KIF13B: variants seen among roughly 807,000 people sequenced by gnomAD.
KIF13B encodes kinesin-like protein KIF13B.
In KIF13B, 127 loss-of-function variants were observed where a neutral mutation model predicts 222.0. The observed-to-expected ratio is 0.57, with a 90% CI of 0.50 to 0.66. The LOEUF (loss-of-function observed/expected upper bound fraction) is 0.66. Among genes scored for constraint, KIF13B ranks in the 30% least tolerant of loss-of-function variants. KIF13B has a pLI of 0.00. For missense variants in KIF13B, 2,173 were observed against 2,379.0 expected (o/e 0.91, Z 1.80); for synonymous variants, 976 against 919.0 (o/e 1.06, Z -1.12).
At chr8:29,110,776 T>C (rs887365800) in intron 32 of KIF13B, 4 of 152,238 alleles carry the variant, frequency 2.6e-5, no homozygotes, top group African/African-American at 9.6e-5. Flanking sequence ...AGAGGCTTTA[T>C]TAATGTATTT....
At chr8:29,085,563 G>A (rs1374829199) in intron 37 of KIF13B, among the ~76,000 whole-genome samples, 1 of 151,416 alleles carries the variant, frequency 6.6e-6, no homozygotes, top group Non-Finnish European at 1.5e-5. Flanking sequence ...TAGAGACAGG[G>A]GTCTTGTTAT....
intron 2 of KIF13B, among the ~76,000 whole-genome samples, chr8:29,227,816 T>G (rs56108901): frequency 0.14 from 21,899 of 152,024 alleles, 1,667 homozygotes; most frequent in Non-Finnish European, 0.16. Flanking sequence ...CTGGGCATGG[T>G]GGTGCACGCC....
intron 18 of KIF13B, 45 bp from the exon 19 acceptor site, chr8:29,142,348 G>A (rs1362140957): frequency 6.4e-7 from 1 of 1,562,136 alleles, no homozygotes; most frequent in Non-Finnish European, 8.7e-7. Context: ...ACAGGCAGCG[G>A]GGAAGTCAAA....
At chr8:29,248,500 C>T (rs774292921) in intron 1 of KIF13B, among the ~76,000 whole-genome samples, 1 of 152,190 alleles carries the variant, frequency 6.6e-6, no homozygotes, top group Non-Finnish European at 1.5e-5. Context: ...GCGAAAGGCA[C>T]ATCTCACATG....
chr8:29,256,744 T>C (rs1423935900), intron 1 of KIF13B, among the ~76,000 whole-genome samples: 1 of 142,894 alleles, frequency 7.0e-6, no homozygotes, highest in Non-Finnish European at 1.5e-5. Flanking sequence ...CTACAATTAC[T>C]ACTTTTTTTG....
At chr8:29,188,253 T>C (rs1025521707) in intron 5 of KIF13B, among the ~76,000 whole-genome samples, 1 of 152,236 alleles carries the variant, frequency 6.6e-6, no homozygotes, top group Non-Finnish European at 1.5e-5. Flanking sequence ...AGTAATGTGT[T>C]CAACAGTCAT....
chr8:29,262,972 G>A lies in KIF13B; in HGVS notation c.55+8C>T, dbSNP rs776891111. 1.3e-6 allele frequency: 2 copies of A among 1,587,716 alleles called. No homozygotes were observed. Among genetic ancestry groups the A allele is most frequent in the Admixed American group, 1.7e-5 (1 of 57,826 alleles). ...CGCCCCGGCGGCCCAGGAGGGCTCG[G>A]CTCTCACCTCGCCGGTTCATGGGTC... On this transcript the variant is annotated splice_region_variant and intron_variant, in intron 1 of 39. Coordinates refer to ENST00000524189, the MANE Select transcript of KIF13B (RefSeq NM_015254.4).
At chr8:29,095,971 T>TG (rs1036580521) in intron 36 of KIF13B, among the ~76,000 whole-genome samples, 3 of 151,168 alleles carry the variant, frequency 2.0e-5, no homozygotes, top group African/African-American at 7.3e-5. Flanking sequence ...TAGTGTTTTT[T>TG]TTTGTTTGTT....
chr8:29,232,734 T>G (rs1027726276), intron 2 of KIF13B, among the ~76,000 whole-genome samples: 1 of 152,222 alleles, frequency 6.6e-6, no homozygotes, highest in African/African-American at 2.4e-5. Context: ...GGCTTCTTGC[T>G]TTTTCCAGGA....
chr8:29,164,401 T>G (rs905281385), intron 12 of KIF13B, among the ~76,000 whole-genome samples: 1 of 152,230 alleles, frequency 6.6e-6, no homozygotes, highest in African/African-American at 2.4e-5. Context: ...GAGATGACTT[T>G]AAATAGATGA....
At chr8:29,212,891 C>T (rs1244566769) in intron 2 of KIF13B, among the ~76,000 whole-genome samples, 5 of 150,498 alleles carry the variant, frequency 3.3e-5, no homozygotes. Context: ...TCCTTTAAGT[C>T]TCAAGTTTCT....
At chr8:29,109,783 T>C in intron 33 of KIF13B, 135 bp downstream of exon 33, 1 of 880,740 alleles carries the variant, frequency 1.1e-6, no homozygotes, top group Non-Finnish European at 1.7e-6. Context: ...TTACAATCAC[T>C]CTGGATTATT....
At chr8:29,192,237 C>G (rs1813222471) in intron 3 of KIF13B, among the ~76,000 whole-genome samples, 1 of 152,194 alleles carries the variant, frequency 6.6e-6, no homozygotes, top group Non-Finnish European at 1.5e-5. Flanking sequence ...TCGCCCAAAT[C>G]AGTTTTCACA....
intron 37 of KIF13B, among the ~76,000 whole-genome samples, chr8:29,085,534 T>A (rs1046245837): frequency 1.3e-4 from 20 of 148,858 alleles, no homozygotes; most frequent in African/African-American, 3.7e-4. Context: ...ACCCACATAT[T>A]TTTTTTTTTA....
chr8:29,132,248 A>C, intron 23 of KIF13B, 60 bp downstream of exon 23: 4 of 1,315,552 alleles, frequency 3.0e-6, no homozygotes, highest in Non-Finnish European at 4.0e-6. Context: ...AGACTGTCTC[A>C]AAAAACAAAA....
At position 29,155,085 on chromosome 8, in the gene KIF13B, A is replaced by G. The variant is rs138275952; in HGVS notation, c.1535+641T>C. On this transcript the variant is annotated intron_variant, in intron 14 of 39. Transcript: ENST00000524189. ...CAAACGTGCCATTCATAAAATTTGG[A>G]GCCCCTTCATTCCTCCATGGTGTAT... is the stretch of plus-strand genomic sequence containing the variant. Among the ~76,000 whole-genome samples the G allele has an allele frequency of 4.9e-3, 743 of 152,216 alleles. 4 individuals are homozygous for G. Among genetic ancestry groups the G allele is most frequent in the African/African-American group, 0.017 (693 of 41,522 alleles).
chr8:29,248,355 C>T (rs1000404538), intron 1 of KIF13B, among the ~76,000 whole-genome samples: 5 of 152,098 alleles, frequency 3.3e-5, no homozygotes, highest in Non-Finnish European at 7.4e-5. Context: ...AGCAAAAAAA[C>T]GAATGAAGAA....
Position 29,126,480 on chromosome 8 carries a change from A to G in KIF13B, c.3252+2T>C. The G allele has an allele frequency of 1.3e-6, 2 of 1,533,618 alleles. No homozygotes were observed. Among genetic ancestry groups the G allele is most frequent in the Non-Finnish European group, 1.8e-6 (2 of 1,115,680 alleles). On this transcript the variant is annotated splice_donor_variant, in intron 26 of 39. Coordinates refer to ENST00000524189, the MANE Select transcript of KIF13B (RefSeq NM_015254.4). LOFTEE classifies it high-confidence loss of function. ...AGATGAGATTAACAGGTGCTAAATT[A>G]CCTGGTAGCTGTCCATGTCTTCCTC...
intron 2 of KIF13B, among the ~76,000 whole-genome samples, chr8:29,222,913 T>C (rs1475782439): frequency 1.3e-5 from 2 of 152,116 alleles, no homozygotes; most frequent in Non-Finnish European, 1.5e-5. Context: ...ATATTAGAGC[T>C]GCAGATTTAG....
Sources: gnomAD v4.1 joint callset for allele counts (sites outside exome capture counted in the v4.1 genomes callset) on GRCh38, gnomAD v4.1.1 for gene constraint, MANE v1.5 for transcripts, NCBI Gene and HGNC (gene_info 2026-07-23, HGNC 2026-07-21) for gene names.